The following CSMD1 variants were observed in gnomAD, a reference collection of about 807,000 sequenced individuals.
CSMD1 encodes the protein CUB and Sushi multiple domains 1, also known as CUB and sushi domain-containing protein 1.
Under a neutral mutation model 417.5 loss-of-function variants are expected in CSMD1, and 213 were observed. The observed-to-expected ratio is 0.51, with a 90% CI of 0.46 to 0.57. The LOEUF is 0.57. CSMD1 is among the 20% of genes least tolerant of loss of function. The probability of loss-of-function intolerance (pLI) is 0.00; values close to 1 mark genes in which losing one functional copy is unlikely to be tolerated. For synonymous variants in CSMD1, 2,862 were observed against 1,736.8 expected (o/e 1.65, Z -16.11); for missense variants, 6,923 against 4,529.7 (o/e 1.53, Z -15.17).
chr8:3,179,220 C>CCT (rs1821151191), intron 37 of CSMD1, among the ~76,000 whole-genome samples: 1 of 152,044 alleles, frequency 6.6e-6, no homozygotes, highest in Non-Finnish European at 1.5e-5. Flanking sequence ...GCTGGGATTA[C>CCT]AGGCGTGAGC....
At chr8:3,668,702 C>A (rs1299951507) in intron 7 of CSMD1, among the ~76,000 whole-genome samples, 1 of 152,108 alleles carries the variant, frequency 6.6e-6, no homozygotes, top group Non-Finnish European at 1.5e-5. Context: ...GAAGTCTAGA[C>A]ACAGAGATGG....
At chr8:3,445,025 A>T (rs902054354) in intron 12 of CSMD1, among the ~76,000 whole-genome samples, 3 of 152,222 alleles carry the variant, frequency 2.0e-5, no homozygotes, top group African/African-American at 7.2e-5. Context: ...GCCAAGTCAC[A>T]GAAACTTTCT....
chr8:3,634,746 G>C (rs537281950), intron 7 of CSMD1, among the ~76,000 whole-genome samples: 1 of 152,258 alleles, frequency 6.6e-6, no homozygotes. Flanking sequence ...CCATGATTAA[G>C]GCACACAGTT....
At chr8:3,195,675 A>G (rs1796666602) in intron 33 of CSMD1, among the ~76,000 whole-genome samples, 1 of 152,166 alleles carries the variant, frequency 6.6e-6, no homozygotes, top group Non-Finnish European at 1.5e-5. Flanking sequence ...TTTAGGGAGA[A>G]GAGGGGAAGC....
At chr8:3,614,557 A>C (rs1802045081) in intron 8 of CSMD1, among the ~76,000 whole-genome samples, 1 of 152,202 alleles carries the variant, frequency 6.6e-6, no homozygotes, top group Non-Finnish European at 1.5e-5. Context: ...TTTAAAGCTT[A>C]AGCATTTCCT....
intron 1 of CSMD1, among the ~76,000 whole-genome samples, chr8:4,824,556 C>T (rs1352110849): frequency 6.6e-6 from 1 of 151,988 alleles, no homozygotes; most frequent in Admixed American, 6.6e-5. Flanking sequence ...ATAATTACAC[C>T]ACGGAAACAG....
intron 1 of CSMD1, among the ~76,000 whole-genome samples, chr8:4,818,380 G>C: frequency 6.6e-6 from 1 of 152,156 alleles, no homozygotes; most frequent in East Asian, 1.9e-4. Context: ...AAGTGCCATG[G>C]AAAGCTCCCC....
At chr8:3,787,342 A>T (rs1685381113) in intron 5 of CSMD1, among the ~76,000 whole-genome samples, 1 of 152,174 alleles carries the variant, frequency 6.6e-6, no homozygotes, top group African/African-American at 2.4e-5. Flanking sequence ...AAAACAGTTC[A>T]ATGTTGATGC....
chr8:4,888,913 T>G (rs927881591), intron 1 of CSMD1, among the ~76,000 whole-genome samples: 10 of 152,122 alleles, frequency 6.6e-5, no homozygotes, highest in Non-Finnish European at 1.0e-4. Flanking sequence ...AAATTAATAA[T>G]TAAATGAGTT....
chr8:4,096,204 A>G (rs536796780), intron 3 of CSMD1, among the ~76,000 whole-genome samples: 14 of 152,174 alleles, frequency 9.2e-5, no homozygotes, highest in Admixed American at 7.2e-4. Context: ...CACTGAGATG[A>G]AACTCTTAAT....
In CSMD1 at chr8:4,628,401, TA is replaced by T. The variant is rs1226695818; in HGVS notation, c.302+8940del. Among the ~76,000 whole-genome samples the T allele has an allele frequency of 2.6e-5, 3 of 117,342 alleles. No individual in the cohort carries two copies. The East Asian group carries it at 6.9e-4, about 27-fold the overall frequency. 77.0% of individuals were successfully genotyped at this position (117,342 alleles called of 152,430 possible). A position where few individuals can be genotyped will look rare whatever the true frequency, so the allele number is the denominator to read the frequency against. On this transcript the variant is annotated intron_variant, in intron 2 of 69. Coordinates refer to ENST00000635120, the MANE Select transcript of CSMD1 (RefSeq NM_033225.6). Reference sequence around the variant, plus strand: ...ATATACACACATATATATACACATATATATACACATATATATACATATATAT... The same window carrying T: ...ATATACACACATATATATACACATATTATACACATATATATACATATATAT...
intron 5 of CSMD1, among the ~76,000 whole-genome samples, chr8:3,776,277 C>G (rs1469670857): frequency 6.6e-6 from 1 of 152,126 alleles, no homozygotes; most frequent in Non-Finnish European, 1.5e-5. Flanking sequence ...CCATTCTATT[C>G]TCAGAACACT....
chr8:4,629,368 A>G (rs1802367861), intron 2 of CSMD1, among the ~76,000 whole-genome samples: 1 of 152,192 alleles, frequency 6.6e-6, no homozygotes, highest in South Asian at 2.1e-4. Flanking sequence ...GCGAGCTATC[A>G]TACTGCATTG....
At chr8:3,783,796 G>A (rs1044604791) in intron 5 of CSMD1, among the ~76,000 whole-genome samples, 2 of 152,154 alleles carry the variant, frequency 1.3e-5, no homozygotes, top group Non-Finnish European at 2.9e-5. Flanking sequence ...AGACACTGAG[G>A]CTTCCATATT....
chr8:3,104,800 T>G (rs112024362), intron 46 of CSMD1, among the ~76,000 whole-genome samples: 3 of 150,640 alleles, frequency 2.0e-5, no homozygotes, highest in Admixed American at 1.3e-4. Context: ...CTCCACCTCC[T>G]GGGTTCAAGC....
chr8:4,571,882 C>T (rs954326557), intron 2 of CSMD1, among the ~76,000 whole-genome samples: 2 of 152,042 alleles, frequency 1.3e-5, no homozygotes, highest in Admixed American at 6.6e-5. Flanking sequence ...TATGTAATGC[C>T]CTTGTCTTTT....
chr8:4,506,422 TCAGGCCTAGCC>T (rs1340989188), intron 2 of CSMD1, among the ~76,000 whole-genome samples: 1 of 152,074 alleles, frequency 6.6e-6, no homozygotes. Flanking sequence ...ACGCCGCACT[TCAGGCCTAGCC>T]CAGCAAACTT....
intron 21 of CSMD1, among the ~76,000 whole-genome samples, chr8:3,351,287 T>G (rs1198048891): frequency 6.6e-6 from 1 of 151,994 alleles, no homozygotes; most frequent in South Asian, 2.1e-4. Context: ...CACATGGCAT[T>G]TTCCCCAAAA....
chr8:3,815,765 A>G (rs1356401221), intron 5 of CSMD1, among the ~76,000 whole-genome samples: 1 of 152,100 alleles, frequency 6.6e-6, no homozygotes, highest in African/African-American at 2.4e-5. Flanking sequence ...ATAAAACCAC[A>G]TTGTTCATTT....
Sources: gnomAD v4.1 joint callset for allele counts (sites outside exome capture counted in the v4.1 genomes callset) on GRCh38, gnomAD v4.1.1 for gene constraint, MANE v1.5 for transcripts, NCBI Gene and HGNC (gene_info 2026-07-23, HGNC 2026-07-21) for gene names.